Variants in MIPOL1 observed in about 807,000 individuals in gnomAD.
MIPOL1 encodes mirror-image polydactyly 1.
Under a neutral mutation model 60.9 loss-of-function variants are expected in MIPOL1, and 57 were observed. The observed-to-expected ratio is 0.94, with a 90% confidence interval of 0.76 to 1.17. MIPOL1 has a LOEUF of 1.17. Ranked by LOEUF, MIPOL1 falls within the 50% of genes most tolerant of loss-of-function variation. MIPOL1 has a pLI of 0.00. For synonymous variants in MIPOL1, 179 were observed against 168.8 expected (o/e 1.06, Z -0.47); for missense variants, 551 against 511.6 (o/e 1.08, Z -0.74).
intron 9 of MIPOL1, among the ~76,000 whole-genome samples, chr14:37,356,764 G>A (rs934262661): frequency 6.6e-6 from 1 of 152,186 alleles, no homozygotes; most frequent in Non-Finnish European, 1.5e-5. Context: ...CCCTGCTTCG[G>A]CTCACGCACG....
intron 12 of MIPOL1, among the ~76,000 whole-genome samples, chr14:37,509,723 A>T (rs970659114): frequency 4.6e-5 from 7 of 151,148 alleles, no homozygotes; most frequent in Admixed American, 2.0e-4. Flanking sequence ...ATGTACGTTT[A>T]TACACATGTG....
chr14:37,282,747 CAAAAAAA>C (rs59301708), intron 6 of MIPOL1, among the ~76,000 whole-genome samples: 8 of 67,898 alleles, frequency 1.2e-4, no homozygotes, highest in Admixed American at 2.4e-4. Flanking sequence ...GACCCTGTCT[CAAAAAAA>C]AAAAAAAAAA....
chr14:37,482,558 C>T (rs931818285), intron 11 of MIPOL1, among the ~76,000 whole-genome samples: 1 of 152,126 alleles, frequency 6.6e-6, no homozygotes, highest in African/African-American at 2.4e-5. Flanking sequence ...ACCTTCTTCA[C>T]ATGGTGGCAG....
intron 6 of MIPOL1, among the ~76,000 whole-genome samples, chr14:37,272,529 TTAAA>T (rs1342346817): frequency 1.3e-5 from 2 of 151,592 alleles, no homozygotes; most frequent in African/African-American, 4.8e-5. Flanking sequence ...TAAACTTGTC[TTAAA>T]TAAACTTATT....
intron 10 of MIPOL1, among the ~76,000 whole-genome samples, chr14:37,376,898 C>A (rs2092791860): frequency 6.6e-6 from 1 of 152,152 alleles, no homozygotes; most frequent in African/African-American, 2.4e-5. Context: ...GCTTTCCCAC[C>A]AGTAATGAAT....
chr14:37,213,946 A>AG (rs1567011599), intron 1 of MIPOL1, among the ~76,000 whole-genome samples: 2 of 152,130 alleles, frequency 1.3e-5, no homozygotes, highest in Non-Finnish European at 2.9e-5. Flanking sequence ...GGCAAAAAAA[A>AG]CATTATACCC....
chr14:37,334,000 A>G (rs1489123512), intron 9 of MIPOL1, among the ~76,000 whole-genome samples: 1 of 151,972 alleles, frequency 6.6e-6, no homozygotes, highest in African/African-American at 2.4e-5. Context: ...ATGTCTGTCT[A>G]CAAGGGAGCT....
At position 37,223,135 on chromosome 14, in the gene MIPOL1, C is replaced by T. The variant is rs150158672; in HGVS notation, c.-198-23968C>T. ...GCAAACTCCACCTCCTGGGTTCAAGCGATTCTCCTGCCTCAGTCTCCCAAG... is the reference window on the plus strand; with the variant it reads ...GCAAACTCCACCTCCTGGGTTCAAGTGATTCTCCTGCCTCAGTCTCCCAAG... On this transcript the variant is annotated intron_variant, in intron 1 of 12. Coordinates refer to ENST00000684589, the MANE Select transcript of MIPOL1 (RefSeq NM_001388067.1). Among the ~76,000 whole-genome samples, 416 of 152,070 alleles carry T rather than the reference C, an allele frequency of 2.7e-3. 2 individuals carry two copies. The highest frequency in any genetic ancestry group is 8.7e-3 in the African/African-American group (361 of 41,484).
At chr14:37,231,430 A>G (rs1468715797) in intron 1 of MIPOL1, among the ~76,000 whole-genome samples, 1 of 152,128 alleles carries the variant, frequency 6.6e-6, no homozygotes. Context: ...AATGGCTTGC[A>G]CTCAATGATT....
chr14:37,320,558 T>G (rs1172318496), intron 9 of MIPOL1, among the ~76,000 whole-genome samples: 1 of 152,092 alleles, frequency 6.6e-6, no homozygotes, highest in Non-Finnish European at 1.5e-5. Flanking sequence ...GCTTGCATTT[T>G]TATTCTCTTA....
chr14:37,501,553 AC>A (rs2095215613), intron 12 of MIPOL1: 1 of 152,232 alleles, frequency 6.6e-6, no homozygotes, highest in Admixed American at 6.5e-5. Context: ...ATTTAAAAAA[AC>A]AATTTTTATA....
chr14:37,359,117 C>G (rs1248163832), intron 9 of MIPOL1, among the ~76,000 whole-genome samples: 1 of 152,178 alleles, frequency 6.6e-6, no homozygotes, highest in African/African-American at 2.4e-5. Context: ...TAGTTTTTGT[C>G]AGGTTTGTCG....
intron 9 of MIPOL1, among the ~76,000 whole-genome samples, chr14:37,342,198 G>A (rs1261438766): frequency 6.6e-6 from 1 of 151,754 alleles, no homozygotes; most frequent in Non-Finnish European, 1.5e-5. Context: ...CCCATCTCTA[G>A]TAAAAATACA....
chr14:37,216,826 A>G (rs2139420240), intron 1 of MIPOL1, among the ~76,000 whole-genome samples: 1 of 152,302 alleles, frequency 6.6e-6, no homozygotes, highest in Non-Finnish European at 1.5e-5. Context: ...GCCTACATTA[A>G]AAAAGAGGAA....
intron 1 of MIPOL1, among the ~76,000 whole-genome samples, chr14:37,200,770 T>C (rs1251730813): frequency 6.6e-6 from 1 of 151,388 alleles, no homozygotes; most frequent in Non-Finnish European, 1.5e-5. Flanking sequence ...TTCAATTTTT[T>C]GCCAATTGGT....
At chr14:37,362,583 G>A (rs979355492) in intron 9 of MIPOL1, among the ~76,000 whole-genome samples, 3 of 152,128 alleles carry the variant, frequency 2.0e-5, no homozygotes, top group African/African-American at 7.2e-5. Context: ...ACAATTACGT[G>A]TCTTGGGGTT....
At chr14:37,312,082 G>A (rs1050343614) in intron 9 of MIPOL1, among the ~76,000 whole-genome samples, 3 of 151,880 alleles carry the variant, frequency 2.0e-5, no homozygotes, top group African/African-American at 7.3e-5. Flanking sequence ...AATACCACAG[G>A]GATTTTGCCT....
At chr14:37,461,916 T>C (rs944108770) in intron 11 of MIPOL1, among the ~76,000 whole-genome samples, 1 of 152,168 alleles carries the variant, frequency 6.6e-6, no homozygotes, top group Non-Finnish European at 1.5e-5. Flanking sequence ...GTCTGCAACT[T>C]TTCTAGGCAC....
chr14:37,251,358 G>C (rs2153363723), intron 3 of MIPOL1, among the ~76,000 whole-genome samples: 1 of 152,028 alleles, frequency 6.6e-6, no homozygotes, highest in South Asian at 2.1e-4. Context: ...GAAAACAACT[G>C]TATCTAGCCC....
Sources: gnomAD v4.1 joint callset for allele counts (sites outside exome capture counted in the v4.1 genomes callset) on GRCh38, gnomAD v4.1.1 for gene constraint, MANE v1.5 for transcripts, NCBI Gene and HGNC (gene_info 2026-07-23, HGNC 2026-07-21) for gene names.